The following SLC24A4 variants were observed in gnomAD, a reference collection of about 807,000 sequenced individuals.
SLC24A4 encodes the protein solute carrier family 24 member 4, also known as sodium/potassium/calcium exchanger 4.
SLC24A4 carries 53 observed loss-of-function variants against 79.0 expected under a neutral mutation model. The observed-to-expected ratio is 0.67, with a 90% CI of 0.54 to 0.84. The LOEUF (loss-of-function observed/expected upper bound fraction) is 0.84, where lower values mean the gene tolerates loss of function less well. SLC24A4 is among the 40% of genes least tolerant of loss of function. The pLI, the probability that SLC24A4 is intolerant of heterozygous loss-of-function variation, is 0.00. For synonymous variants in SLC24A4, 323 were observed against 323.8 expected (o/e 1.00, Z 0.03); for missense variants, 731 against 822.0 (o/e 0.89, Z 1.35).
At chr14:92,358,210 GGCTGTTCAGATAGGCCAGTTAAAT>G (rs927244057) in intron 2 of SLC24A4, among the ~76,000 whole-genome samples, 2 of 151,496 alleles carry the variant, frequency 1.3e-5, no homozygotes, top group African/African-American at 4.9e-5. Context: ...GAAAAAGCTG[GGCTGTTCAGATAGGCCAGTTAAAT>G]GCATGCAACT....
rs568008573 is a variant in SLC24A4, at chr14:92,337,727, G to A, written c.241+11749G>A. The stretch of plus-strand genomic sequence containing the variant: ...AGAGTGTGTGTGCATGGGAGTGCTT[G>A]TACACACATATGTGCTCCTGGAAGT... On this transcript the variant is annotated intron_variant, in intron 2 of 16. Transcript: ENST00000532405. Among the ~76,000 whole-genome samples, 5 of 152,294 alleles carry A rather than the reference G, an allele frequency of 3.3e-5. No homozygotes were observed. In the South Asian group the frequency reaches 1.0e-3, roughly 32 times the overall value.
chr14:92,471,764 T>C (rs540522734), intron 12 of SLC24A4, among the ~76,000 whole-genome samples: 1 of 152,208 alleles, frequency 6.6e-6, no homozygotes, highest in South Asian at 2.1e-4. Flanking sequence ...ACTACATGAA[T>C]TTAATGTGGA....
intron 12 of SLC24A4, among the ~76,000 whole-genome samples, chr14:92,478,731 T>G (rs1894904550): frequency 6.6e-6 from 1 of 152,144 alleles, no homozygotes; most frequent in Non-Finnish European, 1.5e-5. Context: ...GCTTGTCAGT[T>G]TCTGCTCAGC....
Position 92,430,507 on chromosome 14 carries a change from A to G in SLC24A4, c.242-3405A>G, listed in dbSNP as rs79569429. The stretch of plus-strand genomic sequence containing the variant: ...CAAGGATTTTGGAGTTTCCCATCCA[A>G]TGTTCAGGAAGGCAACTGGCAGGAA... On this transcript the variant is annotated intron_variant, in intron 2 of 16. Coordinates refer to ENST00000532405, the MANE Select transcript of SLC24A4 (RefSeq NM_153646.4). Among the ~76,000 whole-genome samples the G allele has an allele frequency of 7.2e-5, 11 of 152,312 alleles. No homozygotes were observed. In the East Asian group the frequency reaches 7.7e-4, roughly 11 times the overall value.
At chr14:92,410,043 G>T (rs1191590867) in intron 2 of SLC24A4, among the ~76,000 whole-genome samples, 2 of 152,188 alleles carry the variant, frequency 1.3e-5, no homozygotes, top group African/African-American at 4.8e-5. Context: ...TATTTGAGGG[G>T]GGAAGGTGGG....
rs537933343 is a variant in SLC24A4 at position 92,362,927 on chromosome 14, G to T, written c.241+36949G>T. Reference sequence around the variant, plus strand: ...CCTGCTGGATGCAGACGCCATGCCGGCAGGTGGCATGCTGCAGGGAGCACC... The same window carrying T: ...CCTGCTGGATGCAGACGCCATGCCGTCAGGTGGCATGCTGCAGGGAGCACC... On this transcript the variant is annotated intron_variant, in intron 2 of 16. Coordinates refer to ENST00000532405, the MANE Select transcript of SLC24A4 (RefSeq NM_153646.4). Among the ~76,000 whole-genome samples, 19 of 152,368 alleles carry T rather than the reference G, an allele frequency of 1.2e-4. 1 individual carries two copies. In the South Asian group the frequency reaches 3.3e-3, roughly 27 times the overall value.
intron 2 of SLC24A4, among the ~76,000 whole-genome samples, chr14:92,376,124 T>C (rs1888484546): frequency 7.4e-6 from 1 of 135,346 alleles, no homozygotes; most frequent in East Asian, 2.0e-4. Flanking sequence ...AAGTGCGTGT[T>C]CCAACGGCCA....
intron 2 of SLC24A4, among the ~76,000 whole-genome samples, chr14:92,402,606 G>A (rs1032453552): frequency 6.6e-6 from 1 of 152,146 alleles, no homozygotes; most frequent in Non-Finnish European, 1.5e-5. Context: ...AAAGAAAAGA[G>A]GTTTAATTGG....
intron 16 of SLC24A4, 151 bp from the exon 17 acceptor site, chr14:92,493,325 C>A: frequency 1.1e-6 from 1 of 910,996 alleles, no homozygotes; most frequent in Non-Finnish European, 1.6e-6. Flanking sequence ...TTATTCTGGT[C>A]AAACTGAGGA....
At chr14:92,480,126 A>G (rs1239209453) in intron 12 of SLC24A4, among the ~76,000 whole-genome samples, 3 of 129,694 alleles carry the variant, frequency 2.3e-5, no homozygotes, top group African/African-American at 8.2e-5. Context: ...GCAACTTTCA[A>G]TTTCTTTGAT....
chr14:92,324,383 C>T (rs373566158), intron 1 of SLC24A4, among the ~76,000 whole-genome samples: 1 of 152,218 alleles, frequency 6.6e-6, no homozygotes, highest in Non-Finnish European at 1.5e-5. Flanking sequence ...TGCCCTGGTT[C>T]AAAGGGGTCC....
chr14:92,466,683 G>A (rs927100081), intron 12 of SLC24A4, among the ~76,000 whole-genome samples: 3 of 152,102 alleles, frequency 2.0e-5, no homozygotes, highest in African/African-American at 7.2e-5. Context: ...TAAAAGTATG[G>A]GGCTCTAATC....
intron 12 of SLC24A4, among the ~76,000 whole-genome samples, chr14:92,466,430 A>G (rs1410694441): frequency 6.6e-6 from 1 of 152,142 alleles, no homozygotes; most frequent in African/African-American, 2.4e-5. Context: ...TAAGCATCCT[A>G]ATGCTGGCAT....
chr14:92,332,319 G>A (rs543980128), intron 2 of SLC24A4, among the ~76,000 whole-genome samples: 4 of 152,190 alleles, frequency 2.6e-5, no homozygotes, highest in Non-Finnish European at 2.9e-5. Flanking sequence ...TGTGTTAATC[G>A]ACAGTTTATG....
chr14:92,339,064 G>A (rs559785245), intron 2 of SLC24A4, among the ~76,000 whole-genome samples: 1 of 152,314 alleles, frequency 6.6e-6, no homozygotes, highest in Non-Finnish European at 1.5e-5. Context: ...GGGAAGATCA[G>A]GACACCCGGA....
chr14:92,459,326 G>A (rs539601993), intron 12 of SLC24A4, among the ~76,000 whole-genome samples: 86 of 152,340 alleles, frequency 5.6e-4, no homozygotes, highest in South Asian at 2.1e-4. Flanking sequence ...CTCTGGACAG[G>A]TCACTTCCCA....
chr14:92,355,241 G>A (rs1168467860), intron 2 of SLC24A4, among the ~76,000 whole-genome samples: 1 of 152,174 alleles, frequency 6.6e-6, no homozygotes, highest in South Asian at 2.1e-4. Context: ...TGAAGGAGGT[G>A]ACAAGGTGGG....
At chr14:92,460,448 T>A (rs529573387) in intron 12 of SLC24A4, among the ~76,000 whole-genome samples, 1 of 152,206 alleles carries the variant, frequency 6.6e-6, no homozygotes, top group Non-Finnish European at 1.5e-5. Flanking sequence ...CTTTTGGGAC[T>A]ACAGTGTTCT....
rs543426946 is a variant in SLC24A4, at chr14:92,445,983, G to A, written c.683+641G>A. Among the ~76,000 whole-genome samples the A allele has an allele frequency of 9.9e-5, 15 of 152,254 alleles. No homozygotes were observed. The East Asian group carries it at 1.4e-3, about 14-fold the overall frequency. ...AGGCTGAGGTGGGAGAATGGCTTGCGCCCAGGAGTTTGAGACCAGCCTGAG... is the reference window on the plus strand; with the variant it reads ...AGGCTGAGGTGGGAGAATGGCTTGCACCCAGGAGTTTGAGACCAGCCTGAG... On this transcript the variant is annotated intron_variant, in intron 8 of 16. Coordinates refer to ENST00000532405, the MANE Select transcript of SLC24A4 (RefSeq NM_153646.4).
Sources: gnomAD v4.1 joint callset for allele counts (sites outside exome capture counted in the v4.1 genomes callset) on GRCh38, gnomAD v4.1.1 for gene constraint, MANE v1.5 for transcripts, NCBI Gene and HGNC (gene_info 2026-07-23, HGNC 2026-07-21) for gene names.